Variants in STAB2 observed in about 807,000 individuals in gnomAD.
STAB2 encodes stabilin-2.
A neutral mutation model predicts 338.1 loss-of-function variants in STAB2; 288 were observed. That is an observed-to-expected ratio of 0.85 (90% CI 0.77 to 0.94). STAB2 has a LOEUF of 0.94. Among genes scored for constraint, STAB2 ranks in the 40% least tolerant of loss-of-function variants. The probability of loss-of-function intolerance (pLI) is 0.00; values close to 1 mark genes in which losing one functional copy is unlikely to be tolerated. For missense variants in STAB2, 3,141 were observed against 3,210.1 expected (o/e 0.98, Z 0.52); for synonymous variants, 1,202 against 1,193.3 (o/e 1.01, Z -0.15).
Position 103,755,387 on chromosome 12 carries a change from C to G in STAB2, c.6800C>G (p.Ser2267Cys), listed in dbSNP as rs755854034. 3 of 1,614,144 alleles carry G rather than the reference C, an allele frequency of 1.9e-6. No homozygotes were observed. Among genetic ancestry groups the G allele is most frequent in the Non-Finnish European group, 2.5e-6 (3 of 1,180,032 alleles). ...GCCTTCGCCTCCCAGAACTGTGGCT[C>G]TGGTGTGGTTGGGATAGTGGACTAT... is the stretch of plus-strand genomic sequence containing the variant. ...PTAFASQNCGSGVVGIVDYGP... is the reference protein window; with the variant it reads ...PTAFASQNCGCGVVGIVDYGP... Residue 2267 changes from serine (S) to cysteine (C), a missense_variant, in exon 62 of 69, where the codon TCT becomes TGT. Physicochemically the swap from Ser to Cys is moderately radical, Grantham distance 112. Transcript: ENST00000388887.
chr12:103,648,951 A>G, intron 10 of STAB2, 128 bp downstream of exon 10: 1 of 1,328,048 alleles, frequency 7.5e-7, no homozygotes, highest in Non-Finnish European at 1.0e-6. Flanking sequence ...TGGAGGGGTC[A>G]TGCAGGTGAG....
chr12:103,653,840 G>GTGTATGGA (rs1873963963), intron 12 of STAB2, among the ~76,000 whole-genome samples: 1 of 139,062 alleles, frequency 7.2e-6, no homozygotes, highest in African/African-American at 2.8e-5. Flanking sequence ...CACCGGATGG[G>GTGTATGGA]TGGATGGATG....
At chr12:103,763,748 G>A (rs924355759) in intron 68 of STAB2, 140 bp downstream of exon 68, 6 of 810,280 alleles carry the variant, frequency 7.4e-6, no homozygotes, top group Admixed American at 5.0e-5. Flanking sequence ...CTAAAAGCCA[G>A]TTTTGCAAGC....
intron 39 of STAB2, 42 bp downstream of exon 39, chr12:103,708,578 T>A (rs766669832): frequency 6.3e-7 from 1 of 1,580,120 alleles, no homozygotes; most frequent in Admixed American, 1.7e-5. Flanking sequence ...GCTCTAAGCT[T>A]TGCTTCTCAG....
At chr12:103,697,683 A>G (rs1878519483) in intron 33 of STAB2, among the ~76,000 whole-genome samples, 1 of 152,254 alleles carries the variant, frequency 6.6e-6, no homozygotes, top group South Asian at 2.1e-4. Flanking sequence ...AAAACATACC[A>G]ATTACATAAA....
chr12:103,708,513 G>A lies in STAB2; in HGVS notation c.4265G>A (p.Trp1422Ter). ...GDGSCDCDVG[W>*]RGVHCDNATT... is the part of the protein sequence containing the mutation. ...GGCTCCTGTGACTGTGATGTTGGCT[G>A]GCGAGGAGTGCATTGTGACAATGGT... The change falls in exon 39 of 69, where the codon TGG (tryptophan) becomes TAG (stop). Residue 1422 changes from tryptophan (W) to a stop codon, truncating the protein, a stop_gained. Coordinates refer to ENST00000388887, the MANE Select transcript of STAB2 (RefSeq NM_017564.10). LOFTEE classifies it high-confidence loss of function. The A allele has an allele frequency of 3.7e-6, 6 of 1,614,038 alleles. No individual in the cohort carries two copies. The highest frequency in any genetic ancestry group is 5.1e-6 in the Non-Finnish European group (6 of 1,179,920).
chr12:103,615,619 A>C (rs1362681198), intron 3 of STAB2, among the ~76,000 whole-genome samples: 1 of 152,200 alleles, frequency 6.6e-6, no homozygotes, highest in South Asian at 2.1e-4. Flanking sequence ...CGCATACTGT[A>C]TTAGTCCATT....
chr12:103,687,820 G>C (rs1877567950), intron 27 of STAB2, among the ~76,000 whole-genome samples: 1 of 152,172 alleles, frequency 6.6e-6, no homozygotes. Context: ...TATTTGCTGA[G>C]CTCTGTGACC....
At chr12:103,640,434 C>T (rs1421499136) in intron 9 of STAB2, among the ~76,000 whole-genome samples, 178 bp downstream of exon 9, 2 of 151,574 alleles carry the variant, frequency 1.3e-5, no homozygotes, top group Non-Finnish European at 2.9e-5. Flanking sequence ...ATTAATTAAA[C>T]ACTCAACAAT....
chr12:103,677,108 A>T (rs142868334), intron 24 of STAB2, among the ~76,000 whole-genome samples: 185 of 152,264 alleles, frequency 1.2e-3, no homozygotes, highest in African/African-American at 4.3e-3. Context: ...ATGTCTTTTT[A>T]TAGCTGCATG....
In STAB2 at chr12:103,655,549, G is replaced by A. The variant is rs1363910006; in HGVS notation, c.1702G>A (p.Asp568Asn). The change falls in exon 15 of 69, where the codon GAC becomes AAC. Residue 568 changes from aspartate (D) to asparagine (N), a missense_variant. Physicochemically the swap from Asp to Asn is conservative, Grantham distance 23. Transcript: ENST00000388887. ...TAATGAAGCATTGAATAACATGAAG[G>A]ACGGCACTCTCGATTACCTCCTTTC... ...PNNEALNNMK[D>N]GTLDYLLSPE... The A allele has an allele frequency of 1.2e-6, 2 of 1,613,844 alleles. No homozygotes were observed. Among genetic ancestry groups the A allele is most frequent in the Middle Eastern group, 3.3e-4 (2 of 6,062 alleles).
chr12:103,695,918 T>A, intron 33 of STAB2, 74 bp downstream of exon 33: 1 of 1,409,870 alleles, frequency 7.1e-7, no homozygotes, highest in Non-Finnish European at 1.0e-6. Context: ...AATCCATTAG[T>A]TGTGTGCCAT....
chr12:103,725,127 C>T (rs773368143), intron 45 of STAB2, 33 bp downstream of exon 45: 1 of 1,592,526 alleles, frequency 6.3e-7, no homozygotes, highest in East Asian at 2.3e-5. Flanking sequence ...CAAGTAAACT[C>T]TACTTCCCTA....
chr12:103,745,879 C>T (rs954202206), intron 57 of STAB2, among the ~76,000 whole-genome samples: 3 of 152,178 alleles, frequency 2.0e-5, no homozygotes, highest in African/African-American at 4.8e-5. Context: ...TGCCATAGCT[C>T]GATCCTTACT....
chr12:103,617,170 A>G (rs1957223496), intron 3 of STAB2, among the ~76,000 whole-genome samples: 1 of 152,194 alleles, frequency 6.6e-6, no homozygotes, highest in African/African-American at 2.4e-5. Context: ...TCTTCCCCTG[A>G]CAACCCTTAT....
chr12:103,676,588 A>G (rs550280678), intron 24 of STAB2, among the ~76,000 whole-genome samples: 2 of 152,250 alleles, frequency 1.3e-5, no homozygotes, highest in South Asian at 2.1e-4. Flanking sequence ...TCAAGTGATC[A>G]TTTTACTTGA....
Position 103,706,912 on chromosome 12 carries a change from G to A in STAB2, c.4117G>A (p.Glu1373Lys). 1.2e-6 allele frequency: 2 copies of A among 1,614,242 alleles called. No individual in the cohort carries two copies. The highest frequency in any genetic ancestry group is 1.7e-6 in the Non-Finnish European group (2 of 1,180,048). ...LDGVNGTGVC[E>K]CGEGFSGTAC... Reference sequence around the variant, plus strand: ...TGGAGTGAATGGCACAGGTGTGTGTGAGTGTGGGGAGGGCTTCAGCGGCAC... The same window carrying A: ...TGGAGTGAATGGCACAGGTGTGTGTAAGTGTGGGGAGGGCTTCAGCGGCAC... Residue 1373 changes from glutamate (E) to lysine (K), a missense_variant, in exon 38 of 69, where the codon GAG becomes AAG. Coordinates refer to ENST00000388887, the MANE Select transcript of STAB2 (RefSeq NM_017564.10).
intron 17 of STAB2, among the ~76,000 whole-genome samples, chr12:103,661,111 T>G (rs1874569591): frequency 6.7e-6 from 1 of 149,776 alleles, no homozygotes; most frequent in African/African-American, 2.5e-5. Context: ...ACAGGAGGAG[T>G]CTGAGAGCAT....
In STAB2 at chr12:103,621,953, A is replaced by G. The variant is rs943618303; in HGVS notation, c.418-89A>G. On this transcript the variant is annotated intron_variant, in intron 4 of 68. Transcript: ENST00000388887. The stretch of plus-strand genomic sequence containing the variant: ...AGGCACAGAGGGAAAATATATTTGA[A>G]AAACAAATGCTGAGTTGGAAATCCA... 13 of 1,296,738 alleles carry G rather than the reference A, an allele frequency of 1.0e-5. No individual in the cohort carries two copies. In the African/African-American group the frequency reaches 1.8e-4, roughly 18 times the overall value. 80.3% of individuals were successfully genotyped at this position (1,296,738 alleles called of 1,614,324 possible).
Sources: allele counts gnomAD v4.1 joint callset (sites outside exome capture counted in the v4.1 genomes callset), GRCh38; gene constraint gnomAD v4.1.1; transcripts MANE v1.5; gene names NCBI Gene and HGNC (gene_info 2026-07-23, HGNC 2026-07-21).